The following RSPRY1 variants were observed in gnomAD, a reference collection of about 807,000 sequenced individuals.
The protein encoded by RSPRY1 is ring finger and SPRY domain containing 1.
In RSPRY1, 23 loss-of-function variants were observed where a neutral mutation model predicts 73.1. The ratio of observed to expected loss-of-function variants is 0.31; its 90% CI spans 0.23 to 0.45. The LOEUF (loss-of-function observed/expected upper bound fraction) is 0.45, where lower values mean the gene tolerates loss of function less well. Among genes scored for constraint, RSPRY1 ranks in the 20% least tolerant of loss-of-function variants. The pLI, the probability that RSPRY1 is intolerant of heterozygous loss-of-function variation, is 1.00. For synonymous variants in RSPRY1, 226 were observed against 251.4 expected (o/e 0.90, Z 0.95); for missense variants, 448 against 698.7 (o/e 0.64, Z 4.05).
In RSPRY1 at chr16:57,209,156, T is replaced by C; in HGVS notation, c.485T>C (p.Leu162Ser). Residue 162 changes from leucine to serine, a missense_variant, in exon 4 of 15, where the codon TTG (leucine) becomes TCG (serine). Leu to Ser is a moderately radical substitution (Grantham distance 145, BLOSUM62 -2). Transcript: ENST00000394420. ...CCACTGGGACCAGCTGTTATAACATTGTTACTAGATGAATGTCCATTGCCC... is the reference window on the plus strand; with the variant it reads ...CCACTGGGACCAGCTGTTATAACATCGTTACTAGATGAATGTCCATTGCCC... Reference protein sequence around the residue: ...EDPLGPAVITLLLDECPLPTK... With the variant: ...EDPLGPAVITSLLDECPLPTK... 6.2e-7 allele frequency: 1 copy of C among 1,611,388 alleles called. No individual in the cohort carries two copies. Among genetic ancestry groups the C allele is most frequent in the Non-Finnish European group, 8.5e-7 (1 of 1,177,906 alleles).
At chr16:57,218,704 A>G (rs1443244642) in intron 8 of RSPRY1, among the ~76,000 whole-genome samples, 3 of 69,390 alleles carry the variant, frequency 4.3e-5, no homozygotes, top group Non-Finnish European at 9.4e-5. Context: ...TCCATTTTGT[A>G]TATGTGCCAC....
chr16:57,206,478 TAAGG>T (rs1344952111), intron 2 of RSPRY1, among the ~76,000 whole-genome samples: 1 of 152,270 alleles, frequency 6.6e-6, no homozygotes, highest in Admixed American at 6.5e-5. Flanking sequence ...CCTTCCCAAA[TAAGG>T]AAGTAAACCA....
chr16:57,190,492 T>G lies in RSPRY1; in HGVS notation c.-156+4041T>G, dbSNP rs1451844729. On this transcript the variant is annotated intron_variant, in intron 1 of 14. Transcript: ENST00000394420. ...GGGAAACACAGTGGAACCAGCAATC[T>G]ATTTCAAAAGAATTATTTGGGGATA... Among the ~76,000 whole-genome samples the G allele has an allele frequency of 2.0e-5, 3 of 152,246 alleles. No individual in the cohort carries two copies. The East Asian group carries it at 5.8e-4, about 29-fold the overall frequency.
At chr16:57,203,855 A>G (rs2074672533) in intron 1 of RSPRY1, among the ~76,000 whole-genome samples, 1 of 152,252 alleles carries the variant, frequency 6.6e-6, no homozygotes, top group African/African-American at 2.4e-5. Flanking sequence ...TTGTGATATC[A>G]GTTTTCCTTT....
intron 2 of RSPRY1, chr16:57,207,830 C>T: frequency 1.3e-5 from 7 of 548,212 alleles, no homozygotes; most frequent in Non-Finnish European, 2.4e-5. Flanking sequence ...TCTGTATCCA[C>T]CTGCCCATTT....
chr16:57,235,217 A>G lies in RSPRY1; in HGVS notation c.1623A>G (p.Pro541=), dbSNP rs752591763. ...AGGTAGCAGACACACAATTGAAGCC[A>G]TGTGGACACAGGTAAGAGGATTTAT... ...CDEVADTQLK[P]CGHSDLCMDC... is the part of the protein sequence containing the mutation. The change falls in exon 14 of 15, where the codon CCA becomes CCG. Residue 541 remains proline, a synonymous_variant. Coordinates refer to ENST00000394420, the MANE Select transcript of RSPRY1 (RefSeq NM_133368.3). The G allele has an allele frequency of 3.6e-5, 58 of 1,611,604 alleles. No homozygotes were observed. The highest frequency in any genetic ancestry group is 4.8e-5 in the Non-Finnish European group (57 of 1,177,758).
intron 14 of RSPRY1, among the ~76,000 whole-genome samples, chr16:57,238,556 G>A (rs930777831): frequency 6.6e-6 from 1 of 152,174 alleles, no homozygotes; most frequent in East Asian, 1.9e-4. Flanking sequence ...TTTGGTAAAT[G>A]ATTCTGGGAT....
At chr16:57,208,157 T>A in intron 3 of RSPRY1, 47 bp downstream of exon 3, 1 of 1,166,278 alleles carries the variant, frequency 8.6e-7, no homozygotes, top group Non-Finnish European at 1.2e-6. Context: ...TATATAATAA[T>A]GAAGAAAAGT....
At chr16:57,237,391 C>A (rs939071238) in intron 14 of RSPRY1, among the ~76,000 whole-genome samples, 3 of 152,004 alleles carry the variant, frequency 2.0e-5, no homozygotes, top group African/African-American at 7.2e-5. Context: ...AATCCACCTG[C>A]CTTGGCCTCC....
intron 1 of RSPRY1, chr16:57,186,833 G>A (rs11076181): frequency 0.44 from 66,565 of 151,466 alleles, 14,791 homozygotes; most frequent in Non-Finnish European, 0.47. Context: ...GTACCGATGG[G>A]GTCCTGACCT....
At chr16:57,229,677 G>A (rs924766362) in intron 11 of RSPRY1, among the ~76,000 whole-genome samples, 1 of 129,544 alleles carries the variant, frequency 7.7e-6, no homozygotes, top group Non-Finnish European at 1.6e-5. Context: ...TATCTGATAA[G>A]TGAAGATAAA....
chr16:57,211,266 TA>T (rs531084194), intron 4 of RSPRY1, among the ~76,000 whole-genome samples: 343 of 133,824 alleles, frequency 2.6e-3, no homozygotes, highest in Middle Eastern at 3.9e-3. Flanking sequence ...TTGTCTCTGT[TA>T]AAAAAAAAAA....
chr16:57,189,982 C>T (rs1184750683), intron 1 of RSPRY1, among the ~76,000 whole-genome samples: 1 of 152,112 alleles, frequency 6.6e-6, no homozygotes, highest in Non-Finnish European at 1.5e-5. Flanking sequence ...CCCTTTGCAT[C>T]TTTTTAAATA....
At chr16:57,202,508 C>G (rs911236702) in intron 1 of RSPRY1, among the ~76,000 whole-genome samples, 1 of 152,176 alleles carries the variant, frequency 6.6e-6, no homozygotes, top group Middle Eastern at 3.2e-3. Flanking sequence ...GTTATCTACC[C>G]TCTAAAGCGA....
chr16:57,196,998 C>T (rs1365987777), intron 1 of RSPRY1, among the ~76,000 whole-genome samples: 1 of 152,170 alleles, frequency 6.6e-6, no homozygotes, highest in Admixed American at 6.5e-5. Context: ...TATTGCAGGG[C>T]TGGGACTTTC....
intron 1 of RSPRY1, among the ~76,000 whole-genome samples, chr16:57,193,278 A>G (rs1407536665): frequency 6.6e-6 from 1 of 152,142 alleles, no homozygotes; most frequent in Non-Finnish European, 1.5e-5. Flanking sequence ...ATATTTCACA[A>G]TCTACCCCCT....
chr16:57,208,376 TTATATATA>T (rs200643065), intron 3 of RSPRY1, among the ~76,000 whole-genome samples: 6 of 94,356 alleles, frequency 6.4e-5, no homozygotes, highest in Middle Eastern at 8.3e-3. Flanking sequence ...AGGAGATTAT[TTATATATA>T]TATATATATA....
At chr16:57,186,267 CGAGG>C, upstream of RSPRY1, 1 of 743,388 alleles carries the variant, frequency 1.3e-6, no homozygotes. Flanking sequence ...GGCTTGCCAC[CGAGG>C]AAGGGGCGTT....
intron 1 of RSPRY1, among the ~76,000 whole-genome samples, chr16:57,190,202 T>C (rs1450655056): frequency 6.6e-6 from 1 of 151,944 alleles, no homozygotes; most frequent in Non-Finnish European, 1.5e-5. Flanking sequence ...ACCCCATCTC[T>C]ACAAAAAAAT....
Sources: gnomAD v4.1 joint callset for allele counts (sites outside exome capture counted in the v4.1 genomes callset) on GRCh38, gnomAD v4.1.1 for gene constraint, MANE v1.5 for transcripts, NCBI Gene and HGNC (gene_info 2026-07-23, HGNC 2026-07-21) for gene names.